JAKMIP2: variants seen among roughly 807,000 people sequenced by gnomAD.
JAKMIP2 encodes the protein janus kinase and microtubule-interacting protein 2.
Under a neutral mutation model 115.0 loss-of-function variants are expected in JAKMIP2, and 25 were observed. The ratio of observed to expected loss-of-function variants is 0.22; its 90% CI spans 0.16 to 0.30. The LOEUF is 0.30. JAKMIP2 is among the 10% of genes least tolerant of loss of function. The pLI is 1.00. For missense variants in JAKMIP2, 642 were observed against 957.6 expected, an observed-to-expected ratio of 0.67 and a Z score of 4.35; for synonymous variants, 334 against 343.6, an observed-to-expected ratio of 0.97 and a Z score of 0.31.
At chr5:147,667,152 G>C (rs146442824) in intron 2 of JAKMIP2, among the ~76,000 whole-genome samples, 3 of 152,060 alleles carry the variant, frequency 2.0e-5, no homozygotes, top group African/African-American at 7.2e-5. Flanking sequence ...CTTGGGGTGC[G>C]TATGGGCCTA....
chr5:147,766,665 A>G (rs1021973545), intron 1 of JAKMIP2, among the ~76,000 whole-genome samples: 66 of 152,302 alleles, frequency 4.3e-4, no homozygotes, highest in African/African-American at 1.5e-3. Context: ...ACAGCAGTAC[A>G]TGCCCTGAGA....
At chr5:147,764,310 T>C (rs903649280) in intron 1 of JAKMIP2, among the ~76,000 whole-genome samples, 3 of 152,008 alleles carry the variant, frequency 2.0e-5, no homozygotes, top group African/African-American at 7.3e-5. Context: ...AGAACAATTA[T>C]GCACTGAACA....
chr5:147,622,130 GT>G (rs1449778439), intron 17 of JAKMIP2, among the ~76,000 whole-genome samples: 8 of 152,280 alleles, frequency 5.3e-5, no homozygotes, highest in African/African-American at 1.9e-4. Context: ...GCCTCCCAAA[GT>G]TCTGGGATTA....
chr5:147,613,375 C>T (rs1474419038), intron 19 of JAKMIP2, among the ~76,000 whole-genome samples: 2 of 151,886 alleles, frequency 1.3e-5, no homozygotes, highest in African/African-American at 2.4e-5. Flanking sequence ...TTTTATAATG[C>T]AATGGTAGGA....
intron 1 of JAKMIP2, among the ~76,000 whole-genome samples, chr5:147,705,330 T>G (rs1347624285): frequency 6.6e-6 from 1 of 152,098 alleles, no homozygotes; most frequent in Non-Finnish European, 1.5e-5. Flanking sequence ...AGGCCGGGTA[T>G]GGTGGCTTAT....
chr5:147,623,288 TC>T (rs1756939309), intron 17 of JAKMIP2, among the ~76,000 whole-genome samples: 1 of 151,032 alleles, frequency 6.6e-6, no homozygotes, highest in African/African-American at 2.5e-5. Context: ...ATTTTTAAAA[TC>T]AGAGTTACAC....
intron 1 of JAKMIP2, among the ~76,000 whole-genome samples, chr5:147,739,219 C>A (rs981753639): frequency 6.6e-6 from 1 of 152,114 alleles, no homozygotes; most frequent in African/African-American, 2.4e-5. Flanking sequence ...AGATGGAGGG[C>A]AGCAGAGAAA....
chr5:147,617,544 T>C (rs1170974664), intron 19 of JAKMIP2, among the ~76,000 whole-genome samples: 1 of 152,130 alleles, frequency 6.6e-6, no homozygotes, highest in Non-Finnish European at 1.5e-5. Flanking sequence ...TTATCAGGCT[T>C]GTTTACGGAC....
chr5:147,606,923 TA>T (rs1249652076), intron 20 of JAKMIP2, among the ~76,000 whole-genome samples: 1 of 152,212 alleles, frequency 6.6e-6, no homozygotes, highest in Non-Finnish European at 1.5e-5. Context: ...CTAGGTATTT[TA>T]TTCTCCTTGT....
chr5:147,621,549 C>T (rs1422792831), intron 17 of JAKMIP2, among the ~76,000 whole-genome samples: 1 of 152,106 alleles, frequency 6.6e-6, no homozygotes, highest in East Asian at 1.9e-4. Flanking sequence ...AGAACAGTGC[C>T]TGATACAGAC....
chr5:147,773,396 A>G (rs570347204), intron 1 of JAKMIP2, among the ~76,000 whole-genome samples: 1 of 152,270 alleles, frequency 6.6e-6, no homozygotes, highest in East Asian at 1.9e-4. Context: ...CTACACGGCC[A>G]AAGATCAATG....
At chr5:147,693,692 T>C (rs1751976655) in intron 1 of JAKMIP2, among the ~76,000 whole-genome samples, 1 of 152,204 alleles carries the variant, frequency 6.6e-6, no homozygotes, top group Non-Finnish European at 1.5e-5. Flanking sequence ...CCTGCTTTCA[T>C]TCTTTTGAAA....
chr5:147,722,669 G>A (rs1378511551), intron 1 of JAKMIP2, among the ~76,000 whole-genome samples: 1 of 152,022 alleles, frequency 6.6e-6, no homozygotes, highest in African/African-American at 2.4e-5. Flanking sequence ...ATAATATTTC[G>A]GTATTATTAG....
rs1754872006 is a variant in JAKMIP2 at position 147,586,413 on chromosome 5, G to A, written c.*5294C>T. ...TGTGAGATGTCAGTCAAATAGAAGT[G>A]TTGTTACTAACAGATGCTGGGGATC... On this transcript the variant is annotated 3_prime_UTR_variant, in exon 22 of 22. Transcript: ENST00000616793. 1 of 152,116 alleles carries A rather than the reference G, an allele frequency of 6.6e-6. No individual in the cohort carries two copies. The highest frequency in any genetic ancestry group is 2.4e-5 in the African/African-American group (1 of 41,414). The allele number at this position is 152,116 out of a possible 1,614,324, so 9.4% of individuals were successfully genotyped here.
intron 1 of JAKMIP2, among the ~76,000 whole-genome samples, chr5:147,690,123 G>A (rs1760759547): frequency 6.6e-6 from 1 of 152,116 alleles, no homozygotes; most frequent in Non-Finnish European, 1.5e-5. Flanking sequence ...GCTGAGGCGA[G>A]GGGATCGCTT....
intron 21 of JAKMIP2, among the ~76,000 whole-genome samples, chr5:147,593,230 C>T (rs765742063): frequency 7.9e-5 from 12 of 152,286 alleles, no homozygotes; most frequent in South Asian, 4.1e-4. Flanking sequence ...GCACCACCAA[C>T]GAAGGGAGCC....
In JAKMIP2 at chr5:147,589,643, A is replaced by G. The variant is rs1480438129; in HGVS notation, c.*2064T>C. On this transcript the variant is annotated 3_prime_UTR_variant, in exon 22 of 22. Transcript: ENST00000616793. The stretch of plus-strand genomic sequence containing the variant: ...TTCTGTATGATGGCATGCATATGCA[A>G]TCAAGAGAGCTGGGAGATGCTTATC... 2.6e-5 allele frequency: 4 copies of G among 152,190 alleles called. No homozygotes were observed. The highest frequency in any genetic ancestry group is 5.9e-5 in the Non-Finnish European group (4 of 68,038). 9.4% of individuals were successfully genotyped at this position (152,190 alleles called of 1,614,324 possible). A position where few individuals can be genotyped will look rare whatever the true frequency, so the allele number is the denominator to read the frequency against.
At position 147,661,416 on chromosome 5, in the gene JAKMIP2, T is replaced by C; in HGVS notation, c.159A>G (p.Gln53=). The change falls in exon 3 of 22, where the codon CAA becomes CAG. Residue 53 remains glutamine (Q), a synonymous_variant. Coordinates refer to ENST00000616793, the MANE Select transcript of JAKMIP2 (RefSeq NM_001270941.2). The part of the protein sequence containing the change: ...KVSKLEREKT[Q]EAKRIRELEQ... Reference sequence around the variant, plus strand: ...CCAGCTCACGAATCCTCTTCGCTTCTTGAGTCTTCTCTCTTTCAAGCTTTG... The same window carrying C: ...CCAGCTCACGAATCCTCTTCGCTTCCTGAGTCTTCTCTCTTTCAAGCTTTG... 6.2e-7 allele frequency: 1 copy of C among 1,612,936 alleles called. No homozygotes were observed. The highest frequency in any genetic ancestry group is 2.2e-5 in the East Asian group (1 of 44,856).
intron 2 of JAKMIP2, among the ~76,000 whole-genome samples, chr5:147,664,520 T>C (rs368970327): frequency 8.8e-4 from 134 of 152,262 alleles, no homozygotes; most frequent in African/African-American, 3.1e-3. Flanking sequence ...TGACTTATTC[T>C]TCCATCAGCT....
Sources: gnomAD v4.1 joint callset for allele counts (sites outside exome capture counted in the v4.1 genomes callset) on GRCh38, gnomAD v4.1.1 for gene constraint, MANE v1.5 for transcripts, NCBI Gene and HGNC (gene_info 2026-07-23, HGNC 2026-07-21) for gene names.